Variants in MACF1 observed in about 807,000 individuals in gnomAD.
The protein encoded by MACF1 is microtubule-actin cross-linking factor 1.
In MACF1, 193 loss-of-function variants were observed where a neutral mutation model predicts 854.8. The ratio of observed to expected loss-of-function variants is 0.23; its 90% CI spans 0.20 to 0.25. The LOEUF (loss-of-function observed/expected upper bound fraction) is 0.25, where lower values mean the gene tolerates loss of function less well. MACF1 is among the 10% of genes least tolerant of loss of function. The pLI is 1.00. For synonymous variants in MACF1, 3,185 were observed against 3,226.7 expected (o/e 0.99, Z 0.44); for missense variants, 7,722 against 8,929.1 (o/e 0.86, Z 5.45).
At chr1:39,229,240 T>C (rs1405999284) in intron 1 of MACF1, among the ~76,000 whole-genome samples, 3 of 152,240 alleles carry the variant, frequency 2.0e-5, no homozygotes, top group East Asian at 1.9e-4. Flanking sequence ...CTGTAGTTTA[T>C]AGTAGGAAGA....
intron 2 of MACF1, among the ~76,000 whole-genome samples, chr1:39,236,261 C>T (rs1361496903): frequency 6.6e-6 from 1 of 152,186 alleles, no homozygotes; most frequent in Non-Finnish European, 1.5e-5. Context: ...GCAGAACTGG[C>T]TCTGGTTGCT....
intron 84 of MACF1, among the ~76,000 whole-genome samples, chr1:39,450,444 G>A (rs1644318675): frequency 6.6e-6 from 1 of 151,944 alleles, no homozygotes; most frequent in Non-Finnish European, 1.5e-5. Flanking sequence ...TGGTATATGA[G>A]GTGATTAACA....
Position 39,336,423 on chromosome 1 carries a change from GT to G in MACF1, c.9836del (p.Val3279GlyfsTer19). On this transcript the variant is annotated frameshift_variant, in exon 37 of 101. Transcript: ENST00000564288. LOFTEE classifies it high-confidence loss of function. Reference sequence around the variant, plus strand: ...TCTTCCAGAGAAACTGTTCAAAGGAGTGTCTCAAAAAGAGAATACAGGGCAA... The same window carrying G: ...TCTTCCAGAGAAACTGTTCAAAGGAGGTCTCAAAAAGAGAATACAGGGCAA... The part of the protein sequence containing the change: ...SFLPEKLFKG[V>X]SQKENTGQQN... 6.2e-7 allele frequency: 1 copy of G among 1,614,114 alleles called. No individual in the cohort carries two copies. The highest frequency in any genetic ancestry group is 8.5e-7 in the Non-Finnish European group (1 of 1,180,014).
chr1:39,294,496 T>C lies in MACF1; in HGVS notation c.2155-550T>C, dbSNP rs532659960. Among the ~76,000 whole-genome samples the C allele has an allele frequency of 1.5e-3, 229 of 152,272 alleles. 1 individual carries two copies. Among genetic ancestry groups the C allele is most frequent in the African/African-American group, 5.3e-3 (219 of 41,544 alleles). ...ATTCTACTGAATTAAAGAAGGAAGATTGGATACTATAATACAATAAACAGG... is the reference window on the plus strand; with the variant it reads ...ATTCTACTGAATTAAAGAAGGAAGACTGGATACTATAATACAATAAACAGG... On this transcript the variant is annotated intron_variant, in intron 18 of 100. Coordinates refer to ENST00000564288, the MANE Select transcript of MACF1 (RefSeq NM_001394062.1).
intron 83 of MACF1, 67 bp from the exon 84 acceptor site, chr1:39,448,527 T>G (rs1431411478): frequency 4.5e-6 from 6 of 1,342,216 alleles, no homozygotes; most frequent in South Asian, 3.6e-5. Flanking sequence ...AAACTCAAAT[T>G]CTTTTGTTCC....
At chr1:39,316,928 A>G (rs2148446130) in intron 28 of MACF1, among the ~76,000 whole-genome samples, 1 of 152,368 alleles carries the variant, frequency 6.6e-6, no homozygotes, top group Non-Finnish European at 1.5e-5. Flanking sequence ...TACTCTGGCT[A>G]AATGACTTAT....
chr1:39,155,546 A>G (rs1202568160), intron 2 of MACF1, among the ~76,000 whole-genome samples: 2 of 152,222 alleles, frequency 1.3e-5, no homozygotes, highest in Admixed American at 1.3e-4. Context: ...ATGACACAGA[A>G]GAGGTCTTAA....
intron 2 of MACF1, chr1:39,102,871 A>T: frequency 1.4e-6 from 1 of 702,548 alleles, no homozygotes; most frequent in Non-Finnish European, 2.6e-6. Context: ...GCTTGAAAGA[A>T]GCGAAAAACC....
intron 65 of MACF1, 138 bp from the exon 66 acceptor site, chr1:39,430,564 G>A (rs1045187470): frequency 2.9e-6 from 2 of 683,978 alleles, no homozygotes; most frequent in Non-Finnish European, 5.0e-6. Context: ...AAAAATCTGA[G>A]ATGAGAAAAA....
intron 2 of MACF1, among the ~76,000 whole-genome samples, chr1:39,172,159 G>A (rs557505537): frequency 1.3e-4 from 20 of 152,248 alleles, no homozygotes; most frequent in African/African-American, 4.8e-4. Flanking sequence ...TCTGTGGGAG[G>A]ACAGTCAAGT....
At position 39,311,366 on chromosome 1, in the gene MACF1, A is replaced by G. The variant is rs114070838; in HGVS notation, c.3270+366A>G. Reference sequence around the variant, plus strand: ...TTGGTTACCTTCAGTCATATGACCAATAAATATAAGGAATGACTCTGATTT... The same window carrying G: ...TTGGTTACCTTCAGTCATATGACCAGTAAATATAAGGAATGACTCTGATTT... On this transcript the variant is annotated intron_variant, in intron 26 of 100. Transcript: ENST00000564288. 4.2e-3 allele frequency among the ~76,000 whole-genome samples: 643 copies of G among 152,330 alleles called. 1 individual carries two copies. Among genetic ancestry groups the G allele is most frequent in the African/African-American group, 0.015 (607 of 41,580 alleles).
intron 65 of MACF1, among the ~76,000 whole-genome samples, chr1:39,430,418 A>G (rs1287203934): frequency 6.6e-6 from 1 of 152,066 alleles, no homozygotes; most frequent in Non-Finnish European, 1.5e-5. Context: ...TTAAAGCATT[A>G]TTTATCATTT....
Position 39,357,460 on chromosome 1 carries a change from A to G in MACF1, c.11510A>G (p.His3837Arg), listed in dbSNP as rs747734894. 1.2e-6 allele frequency: 2 copies of G among 1,614,170 alleles called. No homozygotes were observed. Among genetic ancestry groups the G allele is most frequent in the Admixed American group, 3.3e-5 (2 of 60,012 alleles). The part of the protein sequence containing the change: ...SAQAFLDQHG[H>R]NLTPEEQQML... The stretch of plus-strand genomic sequence containing the variant: ...CAGGCCTTCTTGGATCAGCATGGCC[A>G]CAATCTCACACCTGAGGAGCAACAG... Residue 3837 changes from histidine to arginine, a missense_variant, in exon 45 of 101, where the codon CAC becomes CGC. His to Arg is a conservative substitution (Grantham distance 29). Coordinates refer to ENST00000564288, the MANE Select transcript of MACF1 (RefSeq NM_001394062.1).
intron 58 of MACF1, among the ~76,000 whole-genome samples, chr1:39,393,906 A>AAGAAAGAAAG (rs1375117608): frequency 2.6e-5 from 4 of 152,036 alleles, no homozygotes; most frequent in East Asian, 3.9e-4. Flanking sequence ...AAGGAAAGAA[A>AAGAAAGAAAG]AGAAAGAAAG....
At chr1:39,381,931 T>A in intron 55 of MACF1, 22 bp from the exon 56 acceptor site, 1 of 1,577,458 alleles carries the variant, frequency 6.3e-7, no homozygotes, top group Non-Finnish European at 8.7e-7. Context: ...AAGGAATACA[T>A]TCCCTCATTT....
At chr1:39,229,558 C>G (rs919133680) in intron 1 of MACF1, among the ~76,000 whole-genome samples, 2 of 152,092 alleles carry the variant, frequency 1.3e-5, no homozygotes, top group Non-Finnish European at 2.9e-5. Context: ...GAAATGTTCT[C>G]TGTCTTGGAA....
chr1:39,397,125 C>G (rs577750874), intron 58 of MACF1, among the ~76,000 whole-genome samples: 106 of 152,286 alleles, frequency 7.0e-4, no homozygotes, highest in Non-Finnish European at 1.2e-3. Flanking sequence ...GGCAGTTGCT[C>G]TGTGCTAGTC....
In MACF1 at chr1:39,320,905, G is replaced by A. The variant is rs138866284; in HGVS notation, c.4029+1158G>A. On this transcript the variant is annotated intron_variant, in intron 31 of 100. Transcript: ENST00000564288. ...GGCTCACTTGAGCCTGGGACATTGA[G>A]GCTATTGAGCCGTGATTGTGTCACT... 4.3e-3 allele frequency among the ~76,000 whole-genome samples: 661 copies of A among 152,264 alleles called. 5 individuals carry two copies. The highest frequency in any genetic ancestry group is 0.014 in the African/African-American group (599 of 41,540).
rs192816130 is a variant in MACF1, at chr1:39,364,422, T to A, written c.12771+2745T>A. Among the ~76,000 whole-genome samples, 74 of 152,144 alleles carry A rather than the reference T, an allele frequency of 4.9e-4. No individual in the cohort carries two copies. In the East Asian group the frequency reaches 0.012, roughly 25 times the overall value. ...ATATTAGAGAGATTAATTCTTTATCTGTGATATGTTAGAAATATTGTTTCC... is the reference window on the plus strand; with the variant it reads ...ATATTAGAGAGATTAATTCTTTATCAGTGATATGTTAGAAATATTGTTTCC... On this transcript the variant is annotated intron_variant, in intron 49 of 100. Coordinates refer to ENST00000564288, the MANE Select transcript of MACF1 (RefSeq NM_001394062.1).
Sources: allele counts gnomAD v4.1 joint callset (sites outside exome capture counted in the v4.1 genomes callset), GRCh38; gene constraint gnomAD v4.1.1; transcripts MANE v1.5; gene names NCBI Gene and HGNC (gene_info 2026-07-23, HGNC 2026-07-21).